ABCA1: variants seen among roughly 807,000 people sequenced by gnomAD.
ABCA1 encodes phospholipid-transporting ATPase ABCA1.
In ABCA1, 133 loss-of-function variants were observed where a neutral mutation model predicts 262.5. The observed-to-expected ratio is 0.51, with a 90% CI of 0.44 to 0.59. The LOEUF is 0.59. Ranked by LOEUF, ABCA1 falls within the 20% of genes least tolerant of loss-of-function variation. ABCA1 has a pLI of 0.00. For missense variants in ABCA1, 2,452 were observed against 2,777.5 expected (o/e 0.88, Z 2.63); for synonymous variants, 1,022 against 1,043.5 (o/e 0.98, Z 0.40).
rs1267505808 is a variant in ABCA1, at chr9:104,836,960, A to T, written c.1311+20T>A. The T allele has an allele frequency of 2.5e-6, 4 of 1,586,216 alleles. No individual in the cohort carries two copies. In the African/African-American group the frequency reaches 4.0e-5, roughly 16 times the overall value. On this transcript the variant is annotated intron_variant, in intron 11 of 49. Coordinates refer to ENST00000374736, the MANE Select transcript of ABCA1 (RefSeq NM_005502.4). Reference sequence around the variant, plus strand: ...TCCAGTATCAAGCAGGCACATGGTAATAATGGGAGGGACACTCACCCGGAC... The same window carrying T: ...TCCAGTATCAAGCAGGCACATGGTATTAATGGGAGGGACACTCACCCGGAC...
intron 7 of ABCA1, chr9:104,855,781 T>C (rs78034541): frequency 6.4e-7 from 1 of 1,567,838 alleles, no homozygotes; most frequent in Non-Finnish European, 8.7e-7. Context: ...CAGCTGACCC[T>C]CCCACACTGC....
chr9:104,816,988 C>T (rs558853412), intron 24 of ABCA1, among the ~76,000 whole-genome samples: 3 of 152,142 alleles, frequency 2.0e-5, no homozygotes, highest in Non-Finnish European at 2.9e-5. Context: ...TGGGCTCTCA[C>T]TCTTCTTATG....
chr9:104,905,759 A>G (rs1013440115), intron 1 of ABCA1, among the ~76,000 whole-genome samples: 1 of 152,202 alleles, frequency 6.6e-6, no homozygotes, highest in Non-Finnish European at 1.5e-5. Flanking sequence ...TTTTTCTCAT[A>G]CAGAAGCTGC....
chr9:104,832,441 T>TA, intron 12 of ABCA1, 133 bp downstream of exon 12: 1 of 974,538 alleles, frequency 1.0e-6, no homozygotes, highest in South Asian at 1.4e-5. Context: ...AATCCTGTGT[T>TA]AGGCTTGAGG....
In ABCA1 at chr9:104,831,109, C is replaced by A. The variant is rs1311597668; in HGVS notation, c.1716-8G>T. On this transcript the variant is annotated splice_region_variant and splice_polypyrimidine_tract_variant and intron_variant, in intron 13 of 49. Transcript: ENST00000374736. ...GGACCAGGGTCCCAGTACCTAAAAC[C>A]AAACCACAGGTAATCAACCATTCCT... The A allele has an allele frequency of 1.5e-5, 23 of 1,584,936 alleles. No homozygotes were observed. Among genetic ancestry groups the A allele is most frequent in the Non-Finnish European group, 1.7e-5 (20 of 1,166,386 alleles).
intron 18 of ABCA1, among the ~76,000 whole-genome samples, chr9:104,823,870 G>C (rs796109893): frequency 1.4e-4 from 21 of 152,256 alleles, no homozygotes; most frequent in African/African-American, 5.1e-4. Context: ...GGCAATCAGG[G>C]GATGGGCACA....
intron 22 of ABCA1, 127 bp downstream of exon 22, chr9:104,819,459 T>A (rs1832079555): frequency 1.5e-6 from 2 of 1,345,122 alleles, no homozygotes; most frequent in South Asian, 2.4e-5. Flanking sequence ...GCCCTTTATC[T>A]CTTCTGTGAT....
At chr9:104,918,102 AG>A (rs1841947269) in intron 1 of ABCA1, among the ~76,000 whole-genome samples, 2 of 152,196 alleles carry the variant, frequency 1.3e-5, no homozygotes, top group Admixed American at 1.3e-4. Context: ...ATATATAAGA[AG>A]AACTAGCCCA....
chr9:104,923,879 A>C (rs993063084), intron 1 of ABCA1, among the ~76,000 whole-genome samples: 8 of 152,146 alleles, frequency 5.3e-5, no homozygotes, highest in African/African-American at 1.9e-4. Context: ...GTCTTTACAA[A>C]AAATTGTAAA....
chr9:104,914,430 G>A (rs1841712908), intron 1 of ABCA1, among the ~76,000 whole-genome samples: 1 of 151,438 alleles, frequency 6.6e-6, no homozygotes, highest in South Asian at 2.1e-4. Flanking sequence ...AACCCGGGAG[G>A]CAGAGGTTGC....
At chr9:104,922,826 T>A (rs1842215876) in intron 1 of ABCA1, among the ~76,000 whole-genome samples, 1 of 152,114 alleles carries the variant, frequency 6.6e-6, no homozygotes. Context: ...ATTCTTCTAC[T>A]TCAGCCTCCC....
intron 19 of ABCA1, 151 bp downstream of exon 19, chr9:104,822,345 C>A: frequency 9.4e-7 from 1 of 1,068,294 alleles, no homozygotes. Context: ...GAAAGACACT[C>A]ATGATTAGAT....
chr9:104,821,297 A>C, intron 20 of ABCA1, 78 bp downstream of exon 20: 1 of 1,567,646 alleles, frequency 6.4e-7, no homozygotes, highest in Non-Finnish European at 8.7e-7. Context: ...TAAAATGCTT[A>C]AGTCCCACTC....
At chr9:104,863,239 G>C (rs1836792100) in intron 5 of ABCA1, among the ~76,000 whole-genome samples, 1 of 152,128 alleles carries the variant, frequency 6.6e-6, no homozygotes, top group Non-Finnish European at 1.5e-5. Flanking sequence ...CCAGATGCTT[G>C]GTAGGAGCCC....
chr9:104,913,745 C>T (rs34165419), intron 1 of ABCA1, among the ~76,000 whole-genome samples: 15,734 of 152,212 alleles, frequency 0.1, 986 homozygotes, highest in South Asian at 0.32. Context: ...TTGCACCTAT[C>T]CTCCATAGCA....
chr9:104,824,681 G>A (rs995331650), intron 17 of ABCA1, 103 bp from the exon 18 acceptor site: 3 of 1,330,952 alleles, frequency 2.3e-6, no homozygotes, highest in Admixed American at 1.9e-5. Flanking sequence ...TTTGGAGAAG[G>A]AACAGATTTG....
chr9:104,792,005 CAAACAAAATGT>C lies in ABCA1; in HGVS notation c.5758-18_5758-8del. 1 of 1,612,218 alleles carries C rather than the reference CAAACAAAATGT, an allele frequency of 6.2e-7. No individual in the cohort carries two copies. The highest frequency in any genetic ancestry group is 8.5e-7 in the Non-Finnish European group (1 of 1,179,234). On this transcript the variant is annotated splice_region_variant and splice_polypyrimidine_tract_variant and intron_variant, in intron 42 of 49. Transcript: ENST00000374736. ...TCCGCTTCCTTCTATATATCTGCAACAAACAAAATGTAAACATTCATAAGCCTCAGTGACTC... is the reference window on the plus strand; with the variant it reads ...TCCGCTTCCTTCTATATATCTGCAACAAACATTCATAAGCCTCAGTGACTC...
chr9:104,822,546 G>A lies in ABCA1; in HGVS notation c.2778C>T (p.Gly926=). 2 of 1,613,942 alleles carry A rather than the reference G, an allele frequency of 1.2e-6. No individual in the cohort carries two copies. The highest frequency in any genetic ancestry group is 1.7e-6 in the Non-Finnish European group (2 of 1,179,982). The change falls in exon 19 of 50, where the codon GGC becomes GGT. Residue 926 remains glycine, a synonymous_variant. Transcript: ENST00000374736. The stretch of plus-strand genomic sequence containing the variant: ...TGTGGCCCAGGAAGGAGGTGATCTG[G>A]CCCTCATAAAAATTCAGTGCCAGGC... The part of the protein sequence containing the change: ...VDGLALNFYE[G]QITSFLGHNG...
Position 104,785,480 on chromosome 9 carries a change from C to T in ABCA1, c.6561G>A (p.Leu2187=), listed in dbSNP as rs1828842425. The change falls in exon 49 of 50, where the codon CTG becomes CTA. Residue 2187 remains leucine, a synonymous_variant. Coordinates refer to ENST00000374736, the MANE Select transcript of ABCA1 (RefSeq NM_005502.4). ...QYQLPSSLSS[L]ARIFSILSQS... ...GGGAGAGGATGCTGAATATCCTGGC[C>T]AGAGAAGATAATGAAGATGGAAGCT... 1 of 1,614,060 alleles carries T rather than the reference C, an allele frequency of 6.2e-7. No homozygotes were observed. The highest frequency in any genetic ancestry group is 1.1e-5 in the South Asian group (1 of 91,070).
Sources: gnomAD v4.1 joint callset for allele counts (sites outside exome capture counted in the v4.1 genomes callset) on GRCh38, gnomAD v4.1.1 for gene constraint, MANE v1.5 for transcripts, NCBI Gene and HGNC (gene_info 2026-07-23, HGNC 2026-07-21) for gene names.